Variants in DCLRE1B observed in about 807,000 individuals in gnomAD.
DCLRE1B encodes DNA cross-link repair 1B.
In DCLRE1B, 6 loss-of-function variants were observed where a neutral mutation model predicts 19.8. The ratio of observed to expected loss-of-function variants is 0.30; its 90% CI spans 0.17 to 0.60. DCLRE1B has a LOEUF of 0.60. Among genes scored for constraint, DCLRE1B ranks in the 20% least tolerant of loss-of-function variants. The pLI is 0.87. For synonymous variants in DCLRE1B, 258 were observed against 255.7 expected, an observed-to-expected ratio of 1.01 and a Z score of -0.09; for missense variants, 622 against 654.2, an observed-to-expected ratio of 0.95 and a Z score of 0.54.
chr1:113,905,842 T>C (rs979095277), intron 1 of DCLRE1B, 67 bp downstream of exon 1: 7 of 1,508,566 alleles, frequency 4.6e-6, no homozygotes, highest in Admixed American at 4.6e-5. Flanking sequence ...AACCTGTCAT[T>C]CTTGGAGTCA....
At chr1:113,904,708 G>A (rs1668753735), upstream of DCLRE1B, 3 of 1,612,288 alleles carry the variant, frequency 1.9e-6, no homozygotes, top group East Asian at 4.5e-5. Flanking sequence ...TCGGAGCCAA[G>A]GTACGGCATC....
At position 113,912,409 on chromosome 1, in the gene DCLRE1B, T is replaced by C. The variant is rs942068015; in HGVS notation, c.*218T>C. The C allele has an allele frequency of 2.1e-6, 1 of 475,770 alleles. No homozygotes were observed. Among genetic ancestry groups the C allele is most frequent in the Non-Finnish European group, 3.7e-6 (1 of 272,978 alleles). The allele number at this position is 475,770 out of a possible 1,614,324, so 29.5% of individuals were successfully genotyped here. On this transcript the variant is annotated 3_prime_UTR_variant, in exon 4 of 4. Transcript: ENST00000650450. ...TTATAACTAAGTTTAAGAAATACTT[T>C]TTTTATAAAATCTTTGGAGTATGCG...
rs753746268 is a variant in DCLRE1B at position 113,912,094 on chromosome 1, C to T, written c.1502C>T (p.Ala501Val). 1.2e-6 allele frequency: 2 copies of T among 1,614,222 alleles called. No individual in the cohort carries two copies. The highest frequency in any genetic ancestry group is 2.2e-5 in the East Asian group (1 of 44,874). The change falls in exon 4 of 4, where the codon GCA (alanine) becomes GTA (valine). Residue 501 changes from alanine (A) to valine (V), a missense_variant. This residue lies in a region of DCLRE1B where 382 missense variants were observed against 412.5 expected (regional missense o/e 0.93). Coordinates refer to ENST00000650450, the MANE Select transcript of DCLRE1B (RefSeq NM_022836.4). The part of the protein sequence containing the change: ...PLLATEFRGL[A>V]LKYLLTPVNF... ...CTAGCTACTGAATTCAGGGGTCTAG[C>T]ACTCAAATATCTTCTGACTCCAGTG...
rs758475213 is a variant in DCLRE1B at position 113,907,086 on chromosome 1, C to T, written c.280C>T (p.Leu94Phe). The T allele has an allele frequency of 9.3e-6, 15 of 1,613,902 alleles. No homozygotes were observed. The Middle Eastern group carries it at 2.1e-3, about 230-fold the overall frequency. ...TGGACAAGAGACCATGACCGTAACCCTCCTCGATGCCAATCACTGTCCTGG... is the reference window on the plus strand; with the variant it reads ...TGGACAAGAGACCATGACCGTAACCTTCCTCGATGCCAATCACTGTCCTGG... ...EIGQETMTVT[L>F]LDANHCPGSV... Residue 94 changes from leucine (L) to phenylalanine (F), a missense_variant, in exon 2 of 4, where the codon CTC becomes TTC. Coordinates refer to ENST00000650450, the MANE Select transcript of DCLRE1B (RefSeq NM_022836.4).
chr1:113,905,306 G>A, upstream of DCLRE1B: 1 of 453,956 alleles, frequency 2.2e-6, no homozygotes, highest in Non-Finnish European at 3.9e-6. Context: ...ACTTTGGCCT[G>A]TCTCCTCCCT....
Position 113,912,023 on chromosome 1 carries a change from G to A in DCLRE1B, c.1431G>A (p.Met477Ile), listed in dbSNP as rs757749259. 14 of 1,614,200 alleles carry A rather than the reference G, an allele frequency of 8.7e-6. No homozygotes were observed. In the East Asian group the frequency reaches 2.9e-4, roughly 33 times the overall value. The change falls in exon 4 of 4, where the codon ATG becomes ATA. Residue 477 changes from methionine (M) to isoleucine (I), a missense_variant. Met to Ile is a conservative substitution (Grantham distance 10). Coordinates refer to ENST00000650450, the MANE Select transcript of DCLRE1B (RefSeq NM_022836.4). The stretch of plus-strand genomic sequence containing the variant: ...CCACAGGGAATCAGAGTGCCTGGAT[G>A]GGCCATGGTTCTCCCCTGTCCCACA... ...PEATGNQSAW[M>I]GHGSPLSHSS...
Position 113,911,334 on chromosome 1 carries a change from A to G in DCLRE1B, c.742A>G (p.Thr248Ala), listed in dbSNP as rs1482067083. 1.2e-6 allele frequency: 2 copies of G among 1,614,036 alleles called. No homozygotes were observed. Among genetic ancestry groups the G allele is most frequent in the African/African-American group, 1.3e-5 (1 of 74,974 alleles). ...CHSNMLRWNQ[T>A]HPTIAILPTS... ...TTCCAACATGCTGCGTTGGAACCAG[A>G]CCCACCCTACGATTGCTATCCTTCC... The change falls in exon 4 of 4, where the codon ACC becomes GCC. Residue 248 changes from threonine (T) to alanine (A), a missense_variant. Physicochemically the swap from Thr to Ala is moderately conservative, Grantham distance 58. Around this residue, in one of 3 missense-constraint regions of DCLRE1B, gnomAD observed 382 missense variants for 412.5 expected, o/e 0.93. Coordinates refer to ENST00000650450, the MANE Select transcript of DCLRE1B (RefSeq NM_022836.4).
Position 113,912,187 on chromosome 1 carries a change from G to A in DCLRE1B, c.1595G>A (p.Cys532Tyr), listed in dbSNP as rs1175718511. The A allele has an allele frequency of 6.2e-7, 1 of 1,608,542 alleles. No individual in the cohort carries two copies. Among genetic ancestry groups the A allele is most frequent in the Non-Finnish European group, 8.5e-7 (1 of 1,177,890 alleles). ...CAAGTGGAAAAATACCATAAACCCTGCTGAAGACAGGAGAGTACAGAATGA... is the reference window on the plus strand; with the variant it reads ...CAAGTGGAAAAATACCATAAACCCTACTGAAGACAGGAGAGTACAGAATGA... ...DQQVEKYHKP[C>Y] Residue 532 changes from cysteine to tyrosine, a missense_variant, in exon 4 of 4, where the codon TGC (cysteine) becomes TAC (tyrosine). By Grantham distance (194) the Cys-to-Tyr change is radical (BLOSUM62 -2). Coordinates refer to ENST00000650450, the MANE Select transcript of DCLRE1B (RefSeq NM_022836.4).
upstream of DCLRE1B, chr1:113,904,878 C>A: frequency 1.5e-6 from 1 of 681,862 alleles, no homozygotes. Flanking sequence ...GGCACGCTGG[C>A]CCTGACACAC....
rs201447479 is a variant in DCLRE1B at position 113,912,036 on chromosome 1, C to A, written c.1444C>A (p.Pro482Thr). 1.2e-6 allele frequency: 2 copies of A among 1,614,068 alleles called. No homozygotes were observed. Among genetic ancestry groups the A allele is most frequent in the Non-Finnish European group, 1.7e-6 (2 of 1,180,038 alleles). Residue 482 changes from proline (P) to threonine (T), a missense_variant, in exon 4 of 4, where the codon CCC becomes ACC. Coordinates refer to ENST00000650450, the MANE Select transcript of DCLRE1B (RefSeq NM_022836.4). ...GAGTGCCTGGATGGGCCATGGTTCT[C>A]CCCTGTCCCACAGCAGCAAGGGCAC... ...NQSAWMGHGS[P>T]LSHSSKGTPL...
intron 3 of DCLRE1B, among the ~76,000 whole-genome samples, chr1:113,910,217 C>T (rs964800276): frequency 5.3e-5 from 8 of 152,124 alleles, no homozygotes; most frequent in African/African-American, 1.9e-4. Flanking sequence ...TAGAATTAGC[C>T]ATTTTCCTGC....
At position 113,911,212 on chromosome 1, in the gene DCLRE1B, G is replaced by T. The variant is rs759540122; in HGVS notation, c.620G>T (p.Arg207Leu). The T allele has an allele frequency of 3.1e-6, 5 of 1,614,094 alleles. No homozygotes were observed. In the South Asian group the frequency reaches 3.3e-5, roughly 11 times the overall value. Reference protein sequence around the residue: ...FQTWVVLSPRRLELVQLLGLA... With the variant: ...FQTWVVLSPRLLELVQLLGLA... The stretch of plus-strand genomic sequence containing the variant: ...ACCTGGGTGGTATTGAGTCCTCGGC[G>T]CCTGGAGTTGGTACAGCTACTGGGC... Residue 207 changes from arginine (R) to leucine (L), a missense_variant, in exon 4 of 4, where the codon CGC becomes CTC. Physicochemically the swap from Arg to Leu is moderately radical, Grantham distance 102. Around this residue, in one of 3 missense-constraint regions of DCLRE1B, gnomAD observed 382 missense variants for 412.5 expected, o/e 0.93. Coordinates refer to ENST00000650450, the MANE Select transcript of DCLRE1B (RefSeq NM_022836.4).
intron 2 of DCLRE1B, 87 bp from the exon 3 acceptor site, chr1:113,907,922 A>G (rs1290089444): frequency 6.9e-7 from 1 of 1,444,958 alleles, no homozygotes; most frequent in African/African-American, 1.4e-5. Flanking sequence ...CTAGTAAGCA[A>G]ACGCCTGTCT....
intron 2 of DCLRE1B, 151 bp from the exon 3 acceptor site, chr1:113,907,858 A>G (rs28381074): frequency 2.0e-4 from 152 of 771,016 alleles, no homozygotes; most frequent in Non-Finnish European, 2.8e-4. Flanking sequence ...CAAAGAAACC[A>G]TGCAGCTATA....
chr1:113,912,201 A>G lies in DCLRE1B; in HGVS notation c.*10A>G, dbSNP rs1669290392. 6.3e-7 allele frequency: 1 copy of G among 1,592,582 alleles called. No homozygotes were observed. Among genetic ancestry groups the G allele is most frequent in the Non-Finnish European group, 8.5e-7 (1 of 1,170,126 alleles). The stretch of plus-strand genomic sequence containing the variant: ...CCATAAACCCTGCTGAAGACAGGAG[A>G]GTACAGAATGACAACATTGAGCCCA... On this transcript the variant is annotated 3_prime_UTR_variant, in exon 4 of 4. Coordinates refer to ENST00000650450, the MANE Select transcript of DCLRE1B (RefSeq NM_022836.4).
At chr1:113,906,648 G>A (rs751007445) in intron 1 of DCLRE1B, among the ~76,000 whole-genome samples, 8 of 151,968 alleles carry the variant, frequency 5.3e-5, no homozygotes, top group Non-Finnish European at 1.2e-4. Flanking sequence ...CCGCCACCAC[G>A]CCTGGCTAAT....
rs570819128 is a variant in DCLRE1B, at chr1:113,913,841, T to C, written c.*1650T>C. ...CTTTTAGTTTTTTTTTCTATGCATG[T>C]AGATGTATTAAATATGTAAATGTTT... On this transcript the variant is annotated 3_prime_UTR_variant, in exon 4 of 4. Coordinates refer to ENST00000650450, the MANE Select transcript of DCLRE1B (RefSeq NM_022836.4). The C allele has an allele frequency of 6.6e-6, 1 of 152,366 alleles. No homozygotes were observed. Among genetic ancestry groups the C allele is most frequent in the East Asian group, 1.9e-4 (1 of 5,214 alleles). 9.4% of individuals were successfully genotyped at this position (152,366 alleles called of 1,614,324 possible).
In DCLRE1B at chr1:113,911,422, C is replaced by T. The variant is rs777994515; in HGVS notation, c.830C>T (p.Ser277Phe). The T allele has an allele frequency of 1.9e-6, 3 of 1,614,206 alleles. No individual in the cohort carries two copies. The highest frequency in any genetic ancestry group is 2.5e-6 in the Non-Finnish European group (3 of 1,180,046). Reference sequence around the variant, plus strand: ...CACGTCATCCCTTACTCTGACCATTCCTCTTACTCCGAGCTTCGTGCCTTT... The same window carrying T: ...CACGTCATCCCTTACTCTGACCATTTCTCTTACTCCGAGCTTCGTGCCTTT... ...DIHVIPYSDHSSYSELRAFVA... is the reference protein window; with the variant it reads ...DIHVIPYSDHFSYSELRAFVA... The change falls in exon 4 of 4, where the codon TCC (serine) becomes TTC (phenylalanine). Residue 277 changes from serine (S) to phenylalanine (F), a missense_variant. Around this residue, in one of 3 missense-constraint regions of DCLRE1B, gnomAD observed 382 missense variants for 412.5 expected, o/e 0.93. Coordinates refer to ENST00000650450, the MANE Select transcript of DCLRE1B (RefSeq NM_022836.4).
upstream of DCLRE1B, chr1:113,905,022 T>A (rs1293028079): frequency 2.4e-6 from 1 of 423,292 alleles, no homozygotes; most frequent in South Asian, 2.1e-5. Flanking sequence ...CAGCGCCGCG[T>A]CCGACTGACC....
Sources: gnomAD v4.1 joint callset for allele counts (sites outside exome capture counted in the v4.1 genomes callset) on GRCh38, gnomAD v4.1.1 for gene constraint, gnomAD v4.1.1 regional missense constraint, MANE v1.5 for transcripts, NCBI Gene and HGNC (gene_info 2026-07-23, HGNC 2026-07-21) for gene names.